Variants in MBOAT2 observed in about 807,000 individuals in gnomAD.
MBOAT2 encodes membrane-bound glycerophospholipid O-acyltransferase 2.
In MBOAT2, 28 loss-of-function variants were observed where a neutral mutation model predicts 63.4. The observed-to-expected ratio is 0.44, with a 90% confidence interval of 0.33 to 0.61. The LOEUF (loss-of-function observed/expected upper bound fraction) is 0.61, where lower values mean the gene tolerates loss of function less well. Ranked by LOEUF, MBOAT2 falls within the 20% of genes least tolerant of loss-of-function variation. The pLI, the probability that MBOAT2 is intolerant of heterozygous loss-of-function variation, is 0.03. For synonymous variants in MBOAT2, 211 were observed against 215.6 expected (o/e 0.98, Z 0.19); for missense variants, 470 against 605.8 (o/e 0.78, Z 2.35).
intron 1 of MBOAT2, among the ~76,000 whole-genome samples, chr2:8,993,012 T>C (rs1672023263): frequency 6.6e-6 from 1 of 152,184 alleles, no homozygotes; most frequent in South Asian, 2.1e-4. Context: ...GGAGTCTTTC[T>C]AGAGGGCCCT....
intron 1 of MBOAT2, among the ~76,000 whole-genome samples, chr2:8,985,784 A>G (rs979155977): frequency 6.6e-6 from 1 of 152,146 alleles, no homozygotes; most frequent in Non-Finnish European, 1.5e-5. Flanking sequence ...TGTGACCACA[A>G]GCCAACTCCC....
At chr2:8,926,867 G>C (rs963934234) in intron 3 of MBOAT2, among the ~76,000 whole-genome samples, 1 of 152,130 alleles carries the variant, frequency 6.6e-6, no homozygotes, top group Non-Finnish European at 1.5e-5. Flanking sequence ...ACATGGGTTG[G>C]GGGGTAACAA....
At chr2:8,989,986 T>C (rs1422535487) in intron 1 of MBOAT2, among the ~76,000 whole-genome samples, 3 of 152,252 alleles carry the variant, frequency 2.0e-5, no homozygotes, top group African/African-American at 4.8e-5. Context: ...GGATGCTACG[T>C]TGCAGAACCA....
chr2:8,997,643 C>T (rs1222100684), intron 1 of MBOAT2, among the ~76,000 whole-genome samples: 1 of 152,188 alleles, frequency 6.6e-6, no homozygotes, highest in Non-Finnish European at 1.5e-5. Context: ...GTGCATCAAA[C>T]ATCTACTAGA....
chr2:8,960,495 G>T (rs1156949899), intron 1 of MBOAT2, among the ~76,000 whole-genome samples: 1 of 152,190 alleles, frequency 6.6e-6, no homozygotes, highest in Non-Finnish European at 1.5e-5. Flanking sequence ...GAGCACGCCT[G>T]AAGGGGTGCC....
chr2:8,880,381 C>T (rs747803063), intron 6 of MBOAT2, among the ~76,000 whole-genome samples: 23 of 152,150 alleles, frequency 1.5e-4, no homozygotes, highest in Non-Finnish European at 3.2e-4. Context: ...CTGCTATTAG[C>T]TAACTGGGTG....
At chr2:8,886,933 CGAGT>C (rs1663600668) in intron 5 of MBOAT2, among the ~76,000 whole-genome samples, 1 of 152,124 alleles carries the variant, frequency 6.6e-6, no homozygotes, top group South Asian at 2.1e-4. Flanking sequence ...GTAACAGGGT[CGAGT>C]GAGTTTCACC....
intron 1 of MBOAT2, among the ~76,000 whole-genome samples, chr2:8,970,697 C>A (rs1012837533): frequency 2.0e-5 from 3 of 152,096 alleles, no homozygotes; most frequent in Non-Finnish European, 4.4e-5. Flanking sequence ...GATATCACCA[C>A]CGATCCCACA....
At chr2:8,899,419 CAGG>C (rs1466640666) in intron 4 of MBOAT2, among the ~76,000 whole-genome samples, 2 of 152,144 alleles carry the variant, frequency 1.3e-5, no homozygotes, top group African/African-American at 2.4e-5. Context: ...TCATCCAGGA[CAGG>C]AGATTAGCAC....
At position 8,856,649 on chromosome 2, in the gene MBOAT2, G is replaced by C; in HGVS notation, c.*2030C>G. 6.6e-6 allele frequency: 1 copy of C among 151,886 alleles called. No homozygotes were observed. The highest frequency in any genetic ancestry group is 1.5e-5 in the Non-Finnish European group (1 of 68,034). 9.4% of individuals were successfully genotyped at this position (151,886 alleles called of 1,614,324 possible). ...AGCTCACTGCAACCTCCACCTCCCA[G>C]GTTCAAGCAATTCTCCTGCCTCAGC... is the stretch of plus-strand genomic sequence containing the variant. On this transcript the variant is annotated 3_prime_UTR_variant, in exon 13 of 13. Coordinates refer to ENST00000305997, the MANE Select transcript of MBOAT2 (RefSeq NM_138799.4). The surrounding 1 kb of genome is among the most constrained non-coding windows in gnomAD (Gnocchi z 4.2).
Position 9,003,443 on chromosome 2 carries a change from C to A in MBOAT2, c.75+97G>T. The A allele has an allele frequency of 7.4e-6, 6 of 813,360 alleles. No individual in the cohort carries two copies. Among genetic ancestry groups the A allele is most frequent in the Non-Finnish European group, 9.5e-6 (6 of 634,750 alleles). The allele number at this position is 813,360 out of a possible 1,614,324, so 50.4% of individuals were successfully genotyped here. ...TAGGGGGGCACCGGGCGCCCGGCCC[C>A]AGCCCCCACCCTCCTCCCGGGCCCC... On this transcript the variant is annotated intron_variant, in intron 1 of 12. Transcript: ENST00000305997. This position sits in a 1 kb window ranked among gnomAD's most constrained non-coding sequence, Gnocchi z 5.4.
chr2:8,961,241 G>A (rs936507987), intron 1 of MBOAT2, among the ~76,000 whole-genome samples: 1 of 152,200 alleles, frequency 6.6e-6, no homozygotes, highest in African/African-American at 2.4e-5. Flanking sequence ...GTAACGAAGT[G>A]TGAAATAAAC....
chr2:8,903,276 T>C (rs981447283), intron 4 of MBOAT2, among the ~76,000 whole-genome samples: 3 of 152,182 alleles, frequency 2.0e-5, no homozygotes, highest in African/African-American at 7.2e-5. Context: ...TCACTTCTTC[T>C]TATACTTGAA....
Position 8,902,861 on chromosome 2 carries a change from C to A in MBOAT2, c.395+5760G>T, listed in dbSNP as rs1308324382. Among the ~76,000 whole-genome samples, 3 of 152,210 alleles carry A rather than the reference C, an allele frequency of 2.0e-5. No individual in the cohort carries two copies. In the East Asian group the frequency reaches 5.8e-4, roughly 29 times the overall value. ...AGCCTTCACAGCGTGGAAGGGGACA[C>A]AAGTGGGTTGCTGCTGCTGGCTCGG... On this transcript the variant is annotated intron_variant, in intron 4 of 12. Transcript: ENST00000305997.
intron 6 of MBOAT2, among the ~76,000 whole-genome samples, chr2:8,879,564 T>G (rs1052025927): frequency 1.3e-5 from 2 of 152,228 alleles, no homozygotes; most frequent in Non-Finnish European, 2.9e-5. Context: ...AAGCTTGGGC[T>G]TCTCGTGTAC....
chr2:8,954,475 C>T (rs1198240170), intron 2 of MBOAT2, among the ~76,000 whole-genome samples: 2 of 152,066 alleles, frequency 1.3e-5, no homozygotes, highest in African/African-American at 2.4e-5. Context: ...CAGACACTAG[C>T]GCCAAGGGAG....
chr2:8,990,693 T>C (rs1420327280), intron 1 of MBOAT2, among the ~76,000 whole-genome samples: 3 of 152,194 alleles, frequency 2.0e-5, no homozygotes, highest in Admixed American at 1.3e-4. Flanking sequence ...CACATAAAAA[T>C]TGCAACAATA....
chr2:8,944,956 C>T lies in MBOAT2; in HGVS notation c.222-1692G>A, dbSNP rs537006154. Reference sequence around the variant, plus strand: ...TCAATACAGGTACTTATCTTAAACACGGAAAACACATTTTTGAGGACTCTT... The same window carrying T: ...TCAATACAGGTACTTATCTTAAACATGGAAAACACATTTTTGAGGACTCTT... On this transcript the variant is annotated intron_variant, in intron 2 of 12. Coordinates refer to ENST00000305997, the MANE Select transcript of MBOAT2 (RefSeq NM_138799.4). Among the ~76,000 whole-genome samples, 6 of 152,208 alleles carry T rather than the reference C, an allele frequency of 3.9e-5. No homozygotes were observed. The East Asian group carries it at 7.7e-4, about 20-fold the overall frequency.
rs145282795 is a variant in MBOAT2 at position 8,934,067 on chromosome 2, T to C, written c.299+9120A>G. On this transcript the variant is annotated intron_variant, in intron 3 of 12. Coordinates refer to ENST00000305997, the MANE Select transcript of MBOAT2 (RefSeq NM_138799.4). ...GATTTGATGGCACAATGCTATGTTC[T>C]GAAAATCTTTCAGAAATCCAACAGG... Among the ~76,000 whole-genome samples, 507 of 152,360 alleles carry C rather than the reference T, an allele frequency of 3.3e-3. 6 individuals carry two copies. The highest frequency in any genetic ancestry group is 0.012 in the African/African-American group (494 of 41,578).
Sources: allele counts gnomAD v4.1 joint callset (sites outside exome capture counted in the v4.1 genomes callset), GRCh38; gene constraint gnomAD v4.1.1; non-coding constraint Gnocchi (gnomAD v3.1); transcripts MANE v1.5; gene names NCBI Gene and HGNC (gene_info 2026-07-23, HGNC 2026-07-21).